Variants in RBFOX1 observed in about 807,000 individuals in gnomAD.
RBFOX1 encodes the protein RNA binding protein fox-1 homolog 1.
In RBFOX1, 8 loss-of-function variants were observed where a neutral mutation model predicts 57.7. The ratio of observed to expected loss-of-function variants is 0.14; its 90% CI spans 0.08 to 0.25. RBFOX1 has a LOEUF of 0.25. RBFOX1 is among the 10% of genes least tolerant of loss of function. RBFOX1 has a pLI of 1.00. For synonymous variants in RBFOX1, 326 were observed against 222.4 expected (o/e 1.47, Z -4.15); for missense variants, 611 against 548.5 (o/e 1.11, Z -1.14).
rs534663050 is a variant in RBFOX1, at chr16:6,993,133, A to C, written c.-15-58924A>C. Among the ~76,000 whole-genome samples the C allele has an allele frequency of 4.4e-4, 67 of 152,258 alleles. No individual in the cohort carries two copies. In the East Asian group the frequency reaches 9.3e-3, roughly 21 times the overall value. On this transcript the variant is annotated intron_variant, in intron 3 of 15. Transcript: ENST00000550418. ...GGTTCTGTGTAGGATCCATAGATGG[A>C]CTGAACTGTAACACTGACTTTCTTT... is the stretch of plus-strand genomic sequence containing the variant.
chr16:7,464,010 C>T (rs1213269901), intron 4 of RBFOX1, among the ~76,000 whole-genome samples: 2 of 152,198 alleles, frequency 1.3e-5, no homozygotes, highest in Admixed American at 1.3e-4. Flanking sequence ...GAGACCCTAG[C>T]CAGGAGGTCT....
intron 1 of RBFOX1, among the ~76,000 whole-genome samples, chr16:6,304,649 G>T (rs1238935840): frequency 1.3e-5 from 2 of 152,018 alleles, no homozygotes; most frequent in Admixed American, 6.6e-5. Flanking sequence ...TTGGGAGGTG[G>T]CAGCAAGCGG....
At chr16:6,067,168 G>A (rs188942795) in intron 1 of RBFOX1, among the ~76,000 whole-genome samples, 9 of 152,274 alleles carry the variant, frequency 5.9e-5, no homozygotes, top group Admixed American at 5.9e-4. Flanking sequence ...GCTTCTGTAA[G>A]AAGACATTAA....
Position 5,731,316 on chromosome 16 carries a change from A to G in RBFOX1, c.318+132355A>G, listed in dbSNP as rs111775231. Among the ~76,000 whole-genome samples the G allele has an allele frequency of 3.3e-3, 500 of 152,310 alleles. 3 individuals are homozygous for G. The highest frequency in any genetic ancestry group is 0.011 in the African/African-American group (439 of 41,566). On this transcript the variant is annotated intron_variant, in intron 3 of 19. Transcript: ENST00000641259. ...CACCACCACCACCATCATCATCACT[A>G]TCAGTATCACCACCACTACTGTAAT...
At chr16:7,668,098 C>G (rs552249032) in intron 13 of RBFOX1, among the ~76,000 whole-genome samples, 2 of 152,274 alleles carry the variant, frequency 1.3e-5, no homozygotes, top group South Asian at 2.1e-4. Flanking sequence ...GGCAGTATAT[C>G]AGAGCAGGTC....
chr16:5,246,114 C>G (rs1413594387), intron 1 of RBFOX1, among the ~76,000 whole-genome samples: 1 of 152,096 alleles, frequency 6.6e-6, no homozygotes, highest in Non-Finnish European at 1.5e-5. Flanking sequence ...TGATGGCACA[C>G]ACCTGTAATC....
intron 3 of RBFOX1, among the ~76,000 whole-genome samples, chr16:5,745,930 C>G (rs1194236844): frequency 6.6e-6 from 1 of 152,160 alleles, no homozygotes; most frequent in African/African-American, 2.4e-5. Context: ...TGTGCAGAAG[C>G]TCTTTAGTTT....
At chr16:5,812,004 G>T (rs2055449715) in intron 3 of RBFOX1, among the ~76,000 whole-genome samples, 1 of 152,144 alleles carries the variant, frequency 6.6e-6, no homozygotes, top group Non-Finnish European at 1.5e-5. Context: ...CTAGGAATTT[G>T]CCCTTTCTGG....
chr16:6,827,979 A>ATCTTGTCTGCT (rs1252131541), intron 3 of RBFOX1, among the ~76,000 whole-genome samples: 3 of 152,174 alleles, frequency 2.0e-5, no homozygotes, highest in Non-Finnish European at 4.4e-5. Context: ...TAGGGGACAA[A>ATCTTGTCTGCT]TCTTGTCTGC....
intron 4 of RBFOX1, among the ~76,000 whole-genome samples, chr16:7,384,424 G>A (rs188721275): frequency 1.8e-4 from 28 of 152,120 alleles, no homozygotes; most frequent in African/African-American, 6.8e-4. Context: ...TGGTATTTTG[G>A]TTCTTGAATT....
chr16:5,901,001 A>G (rs1049547304), intron 4 of RBFOX1, among the ~76,000 whole-genome samples: 14 of 152,204 alleles, frequency 9.2e-5, no homozygotes, highest in African/African-American at 2.9e-4. Context: ...CTGTCCTTTC[A>G]GTCTGCAATC....
At chr16:5,445,984 G>C (rs2068228204) in intron 1 of RBFOX1, among the ~76,000 whole-genome samples, 1 of 152,214 alleles carries the variant, frequency 6.6e-6, no homozygotes, top group Non-Finnish European at 1.5e-5. Flanking sequence ...GCTCTAACAA[G>C]TAAAAGACCC....
At chr16:7,565,539 G>A (rs541915451) in intron 5 of RBFOX1, among the ~76,000 whole-genome samples, 1 of 152,068 alleles carries the variant, frequency 6.6e-6, no homozygotes, top group Non-Finnish European at 1.5e-5. Context: ...TTCACTCGGC[G>A]CCCAGCATTA....
At chr16:7,050,200 A>AT (rs1329749499) in intron 3 of RBFOX1, among the ~76,000 whole-genome samples, 2 of 143,388 alleles carry the variant, frequency 1.4e-5, no homozygotes, top group African/African-American at 2.6e-5. Flanking sequence ...TTCTTTTTTA[A>AT]TTTTTTGGAA....
intron 3 of RBFOX1, among the ~76,000 whole-genome samples, chr16:5,801,886 C>G (rs2055069257): frequency 6.6e-6 from 1 of 152,120 alleles, no homozygotes; most frequent in South Asian, 2.1e-4. Context: ...TGCAGGGCAG[C>G]TCTATATTAG....
At chr16:6,900,612 C>A (rs1026628583) in intron 3 of RBFOX1, among the ~76,000 whole-genome samples, 2 of 152,210 alleles carry the variant, frequency 1.3e-5, no homozygotes, top group African/African-American at 4.8e-5. Flanking sequence ...CTGAGTGTCA[C>A]AGCAGATGCT....
chr16:5,389,970 A>G (rs993384866), intron 1 of RBFOX1, among the ~76,000 whole-genome samples: 2 of 151,862 alleles, frequency 1.3e-5, no homozygotes, highest in Non-Finnish European at 1.5e-5. Context: ...AAGTGCTGGG[A>G]TTACAGGCAT....
Position 6,655,998 on chromosome 16 carries a change from A to G in RBFOX1, c.-16+1348A>G, listed in dbSNP as rs369490637. 9.8e-5 allele frequency among the ~76,000 whole-genome samples: 15 copies of G among 152,328 alleles called. 1 individual carries two copies. In the East Asian group the frequency reaches 1.4e-3, roughly 14 times the overall value. On this transcript the variant is annotated intron_variant, in intron 3 of 15. Coordinates refer to ENST00000550418, the MANE Select transcript of RBFOX1 (RefSeq NM_018723.4). Reference sequence around the variant, plus strand: ...ATAATGATACAGTAAGTTCAATTCAATCTGCGTGATCCCAGCTTGCAGTTT... The same window carrying G: ...ATAATGATACAGTAAGTTCAATTCAGTCTGCGTGATCCCAGCTTGCAGTTT...
rs148743210 is a variant in RBFOX1, at chr16:6,706,652, T to C, written c.-16+52002T>C. 3.5e-3 allele frequency among the ~76,000 whole-genome samples: 528 copies of C among 152,186 alleles called. 1 individual carries two copies. The highest frequency in any genetic ancestry group is 5.9e-3 in the Non-Finnish European group (403 of 68,004). Reference sequence around the variant, plus strand: ...CACTGGCCTTTCTGAAGGGCAACACTGTTACACTTTTGAGACGTCTTTAAT... The same window carrying C: ...CACTGGCCTTTCTGAAGGGCAACACCGTTACACTTTTGAGACGTCTTTAAT... On this transcript the variant is annotated intron_variant, in intron 3 of 15. Coordinates refer to ENST00000550418, the MANE Select transcript of RBFOX1 (RefSeq NM_018723.4).
Sources: allele counts gnomAD v4.1 joint callset (sites outside exome capture counted in the v4.1 genomes callset), GRCh38; gene constraint gnomAD v4.1.1; transcripts MANE v1.5; gene names NCBI Gene and HGNC (gene_info 2026-07-23, HGNC 2026-07-21).